DGKZ: variants seen among roughly 807,000 people sequenced by gnomAD.
DGKZ encodes the protein diacylglycerol kinase zeta, also known as DAG kinase zeta.
In DGKZ, 45 loss-of-function variants were observed where a neutral mutation model predicts 142.5. The ratio of observed to expected loss-of-function variants is 0.32; its 90% CI spans 0.25 to 0.40. DGKZ has a LOEUF of 0.40. DGKZ is among the 10% of genes least tolerant of loss of function. The pLI, the probability that DGKZ is intolerant of heterozygous loss-of-function variation, is 1.00. For synonymous variants in DGKZ, 442 were observed against 527.0 expected, an observed-to-expected ratio of 0.84 and a Z score of 2.21; for missense variants, 755 against 1,306.5, an observed-to-expected ratio of 0.58 and a Z score of 6.51.
At position 46,367,346 on chromosome 11, in the gene DGKZ, G is replaced by T. The variant is rs1444466663; in HGVS notation, c.217G>T (p.Gly73Trp). Residue 73 changes from glycine to tryptophan, a missense_variant, in exon 2 of 31, where the codon GGG (glycine) becomes TGG (tryptophan). Gly to Trp is a radical substitution (Grantham distance 184). Around this residue, in one of 8 missense-constraint regions of DGKZ, gnomAD observed 81 missense variants for 86.5 expected, o/e 0.94. Transcript: ENST00000527911. This position sits in a 1 kb window ranked among gnomAD's most constrained non-coding sequence, Gnocchi z 4.1. ...CCTGGCCCCCCCTCCGCCCACCCCT[G>T]GGGCCCCGTGCAGCGAGTCAGAGCG... The T allele has an allele frequency of 6.2e-7, 1 of 1,613,112 alleles. No homozygotes were observed. The highest frequency in any genetic ancestry group is 1.1e-5 in the South Asian group (1 of 91,070).
Position 46,376,578 on chromosome 11 carries a change from G to T in DGKZ, c.2202+14G>T, listed in dbSNP as rs1180648266. The T allele has an allele frequency of 2.5e-6, 4 of 1,613,076 alleles. No individual in the cohort carries two copies. Among genetic ancestry groups the T allele is most frequent in the Non-Finnish European group, 2.5e-6 (3 of 1,180,006 alleles). On this transcript the variant is annotated intron_variant, in intron 24 of 30. Transcript: ENST00000527911. The stretch of plus-strand genomic sequence containing the variant: ...GACCGAGCCCAGGTGAGCGATTGCA[G>T]GCCTGCTCCAGCCACAGCTGCTTCC...
rs963269814 is a variant in DGKZ, at chr11:46,365,301, CAG to C, written c.162-1987_162-1986del. 33 of 985,278 alleles carry C rather than the reference CAG, an allele frequency of 3.3e-5. No homozygotes were observed. The South Asian group carries it at 6.6e-4, about 20-fold the overall frequency. 61.0% of individuals were successfully genotyped at this position (985,278 alleles called of 1,614,324 possible). A position where few individuals can be genotyped will look rare whatever the true frequency, so the allele number is the denominator to read the frequency against. ...GTGCAGTCACAGGCTCCATCAGGAG[CAG>C]AGTCAGAAGGGTTTCCCGGCATCAC... On this transcript the variant is annotated intron_variant, in intron 1 of 30. Transcript: ENST00000527911.
rs1944869738 is a variant in DGKZ at position 46,378,836 on chromosome 11, T to C, written c.2419-155T>C. 3.1e-6 allele frequency: 4 copies of C among 1,270,894 alleles called. No individual in the cohort carries two copies. In the Admixed American group the frequency reaches 7.1e-5, roughly 23 times the overall value. The allele number at this position is 1,270,894 out of a possible 1,614,324, so 78.7% of individuals were successfully genotyped here. Reference sequence around the variant, plus strand: ...GTGAGAGGCCCCTCCTCCGGTGTGCTCCAGAGAGACCCACAGAGGCAACTC... The same window carrying C: ...GTGAGAGGCCCCTCCTCCGGTGTGCCCCAGAGAGACCCACAGAGGCAACTC... On this transcript the variant is annotated intron_variant, in intron 27 of 30. Transcript: ENST00000527911.
At chr11:46,379,775 G>A in intron 30 of DGKZ, 56 bp from the exon 31 acceptor site, 1 of 1,514,302 alleles carries the variant, frequency 6.6e-7, no homozygotes, top group Non-Finnish European at 8.9e-7. Flanking sequence ...CTCTCAGCCT[G>A]CTAGGGGTTA....
intron 1 of DGKZ, among the ~76,000 whole-genome samples, chr11:46,350,776 C>T (rs1249939246): frequency 6.6e-6 from 1 of 152,028 alleles, no homozygotes; most frequent in Non-Finnish European, 1.5e-5. Context: ...CTGAAAGAGG[C>T]TTTTCCTTAA....
rs767402882 is a variant in DGKZ at position 46,367,843 on chromosome 11, T to G, written c.366+96T>G. 143 of 1,548,970 alleles carry G rather than the reference T, an allele frequency of 9.2e-5. No individual in the cohort carries two copies. In the African/African-American group the frequency reaches 1.6e-3, roughly 17 times the overall value. ...GATTGAGCCCGCTCCCTGGCACCCC[T>G]GCTGTGGGCCGCCCCAGGATGGTGA... is the stretch of plus-strand genomic sequence containing the variant. On this transcript the variant is annotated intron_variant, in intron 3 of 30. Coordinates refer to ENST00000527911, the Ensembl canonical transcript of DGKZ. This position sits in a 1 kb window ranked among gnomAD's most constrained non-coding sequence, Gnocchi z 4.1.
At chr11:46,366,190 G>C (rs1397458522) in intron 1 of DGKZ, 1 of 1,477,094 alleles carries the variant, frequency 6.8e-7, no homozygotes, top group South Asian at 1.4e-5. Flanking sequence ...CCGGACACAG[G>C]ACAGACCGTG....
intron 16 of DGKZ, 61 bp downstream of exon 16, chr11:46,374,515 C>G (rs1336815781): frequency 1.1e-5 from 17 of 1,613,214 alleles, no homozygotes; most frequent in Non-Finnish European, 1.4e-5. Flanking sequence ...CCCGTGCCCA[C>G]CTGTGTCCAC....
intron 1 of DGKZ, chr11:46,361,611 T>G: frequency 1.1e-5 from 11 of 985,556 alleles, no homozygotes; most frequent in Non-Finnish European, 1.3e-5. Context: ...CTCTCCAAAC[T>G]AGGACTTGCT....
At position 46,367,676 on chromosome 11, in the gene DGKZ, A is replaced by C; in HGVS notation, c.295A>C (p.Ile99Leu). The change falls in exon 3 of 31, where the codon ATC (isoleucine) becomes CTC (leucine). Residue 99 changes from isoleucine (I) to leucine (L), a missense_variant. Coordinates refer to ENST00000527911, the Ensembl canonical transcript of DGKZ. This position sits in a 1 kb window ranked among gnomAD's most constrained non-coding sequence, Gnocchi z 4.1. ...GGAGTCAGCGACATATGGGGAGCAC[A>C]TCTGGTTCGAGACCAACGTGTCCGG... 6.2e-7 allele frequency: 1 copy of C among 1,608,598 alleles called. No individual in the cohort carries two copies. Among genetic ancestry groups the C allele is most frequent in the South Asian group, 1.1e-5 (1 of 90,922 alleles).
intron 1 of DGKZ, chr11:46,361,765 G>A (rs1942678600): frequency 1.2e-6 from 1 of 812,202 alleles, no homozygotes; most frequent in Middle Eastern, 6.3e-4. Context: ...TATCTGGCTG[G>A]GTGGGTGCGG....
chr11:46,345,413 A>G (rs1287351509), upstream of DGKZ: 1 of 1,434,562 alleles, frequency 7.0e-7, no homozygotes, highest in South Asian at 1.4e-5. The surrounding 1 kb of genome is among the most constrained non-coding windows in gnomAD (Gnocchi z 4.1). Flanking sequence ...GGGCAGGATG[A>G]GCGCACCGGG....
Position 46,366,065 on chromosome 11 carries a change from A to G in DGKZ, c.162-1226A>G, listed in dbSNP as rs1034504463. On this transcript the variant is annotated intron_variant, in intron 1 of 30. Coordinates refer to ENST00000527911, the Ensembl canonical transcript of DGKZ. The stretch of plus-strand genomic sequence containing the variant: ...CCTGGGATCCTCACATGGAGGTCAG[A>G]GGCTGCAGTGACCCCTCCCTCCCTC... The G allele has an allele frequency of 2.4e-5, 24 of 985,250 alleles. No individual in the cohort carries two copies. In the African/African-American group the frequency reaches 4.0e-4, roughly 17 times the overall value. 61.0% of individuals were successfully genotyped at this position (985,250 alleles called of 1,614,324 possible). A position where few individuals can be genotyped will look rare whatever the true frequency, so the allele number is the denominator to read the frequency against.
At chr11:46,378,148 C>G (rs1944771548) in intron 25 of DGKZ, 50 bp from the exon 26 acceptor site, 2 of 1,587,682 alleles carry the variant, frequency 1.3e-6, no homozygotes. Flanking sequence ...GGGAGGGCGA[C>G]CAGCTGGCCT....
At chr11:46,371,914 G>C in intron 9 of DGKZ, 139 bp downstream of exon 9, 2 of 1,247,758 alleles carry the variant, frequency 1.6e-6, no homozygotes, top group East Asian at 5.1e-5. Flanking sequence ...AGGAAGGCAG[G>C]ATTAGATGCC....
intron 6 of DGKZ, among the ~76,000 whole-genome samples, chr11:46,370,323 C>T (rs1031344748): frequency 1.3e-5 from 2 of 152,264 alleles, no homozygotes; most frequent in Non-Finnish European, 2.9e-5. Context: ...GTGTGCCGAG[C>T]GCCAAGCTGG....
chr11:46,375,130 C>T (rs1286343907), intron 19 of DGKZ, 85 bp downstream of exon 19: 12 of 1,278,526 alleles, frequency 9.4e-6, no homozygotes, highest in Admixed American at 5.4e-5. Flanking sequence ...TGGGCCACGG[C>T]GGCCTAGTTC....
chr11:46,341,012 G>A (rs553136812), intron 1 of DGKZ, among the ~76,000 whole-genome samples: 91 of 152,336 alleles, frequency 6.0e-4, no homozygotes, highest in Non-Finnish European at 1.2e-3. Flanking sequence ...GCCAGGTGTG[G>A]TGGGACATAC....
At chr11:46,356,914 G>GT (rs1428579387) in intron 1 of DGKZ, among the ~76,000 whole-genome samples, 1 of 152,190 alleles carries the variant, frequency 6.6e-6, no homozygotes, top group African/African-American at 2.4e-5. Flanking sequence ...AGTGAGTTAT[G>GT]TAAGTGTCAA....
Sources: gnomAD v4.1 joint callset for allele counts (sites outside exome capture counted in the v4.1 genomes callset) on GRCh38, gnomAD v4.1.1 for gene constraint, gnomAD v4.1.1 regional missense constraint, Gnocchi (gnomAD v3.1) non-coding constraint, MANE v1.5 for transcripts, NCBI Gene and HGNC (gene_info 2026-07-23, HGNC 2026-07-21) for gene names.